The following TMPRSS6 variants were observed in gnomAD, a reference collection of about 807,000 sequenced individuals.
TMPRSS6 encodes the protein transmembrane serine protease 6, also known as transmembrane protease serine 6.
A neutral mutation model predicts 101.5 loss-of-function variants in TMPRSS6; 67 were observed. The ratio of observed to expected loss-of-function variants is 0.66; its 90% confidence interval spans 0.54 to 0.81. TMPRSS6 has a LOEUF of 0.81. TMPRSS6 is among the 30% of genes least tolerant of loss of function. The pLI is 0.00. For missense variants in TMPRSS6, 1,034 were observed against 1,088.7 expected, an observed-to-expected ratio of 0.95 and a Z score of 0.71; for synonymous variants, 453 against 464.9, an observed-to-expected ratio of 0.97 and a Z score of 0.33.
chr22:37,067,058 A>G, intron 16 of TMPRSS6, 96 bp from the exon 17 acceptor site: 3 of 1,570,602 alleles, frequency 1.9e-6, no homozygotes, highest in Non-Finnish European at 2.6e-6. Flanking sequence ...TCAGGAGCCT[A>G]CTTCTCTCCT....
At chr22:37,099,480 T>C (rs1028749408) in intron 2 of TMPRSS6, among the ~76,000 whole-genome samples, 4 of 152,094 alleles carry the variant, frequency 2.6e-5, no homozygotes, top group Non-Finnish European at 5.9e-5. Context: ...GTGAAGAGGG[T>C]AGACTCACAG....
At position 37,103,090 on chromosome 22, in the gene TMPRSS6, G is replaced by T; in HGVS notation, c.202+126C>A. ...GAGACCCAGAGAACAGAAGTGACTT[G>T]CCCAAGGTCACACAGCAATATGCTA... is the stretch of plus-strand genomic sequence containing the variant. On this transcript the variant is annotated intron_variant, in intron 2 of 17. Transcript: ENST00000676104. The surrounding 1 kb of genome is among the most constrained non-coding windows in gnomAD (Gnocchi z 4.4). 3 of 1,002,092 alleles carry T rather than the reference G, an allele frequency of 3.0e-6. No individual in the cohort carries two copies. Among genetic ancestry groups the T allele is most frequent in the Non-Finnish European group, 4.6e-6 (3 of 655,746 alleles). The allele number at this position is 1,002,092 out of a possible 1,614,324, so 62.1% of individuals were successfully genotyped here.
intron 11 of TMPRSS6, 140 bp downstream of exon 11, chr22:37,074,995 G>T: frequency 7.0e-7 from 1 of 1,437,430 alleles, no homozygotes; most frequent in Non-Finnish European, 9.7e-7. Flanking sequence ...ATTTGTGCAA[G>T]CACATACACA....
At chr22:37,107,569 C>T (rs1163133108) in intron 1 of TMPRSS6, among the ~76,000 whole-genome samples, 1 of 152,060 alleles carries the variant, frequency 6.6e-6, no homozygotes, top group African/African-American at 2.4e-5. Flanking sequence ...ACCCACCCCC[C>T]TACCCAGTGA....
Position 37,103,707 on chromosome 22 carries a change from T to G in TMPRSS6, c.-1-289A>C. 1.1e-6 allele frequency: 1 copy of G among 932,846 alleles called. No individual in the cohort carries two copies. The highest frequency in any genetic ancestry group is 1.7e-6 in the Non-Finnish European group (1 of 593,572). 57.8% of individuals were successfully genotyped at this position (932,846 alleles called of 1,614,324 possible). ...CCTATGGTCAGAGGACAGACGGAGG[T>G]CTCAGTACCTAAACACCCACCTCCC... On this transcript the variant is annotated intron_variant, in intron 1 of 17. Coordinates refer to ENST00000676104, the MANE Select transcript of TMPRSS6 (RefSeq NM_001374504.1). The surrounding 1 kb of genome is among the most constrained non-coding windows in gnomAD (Gnocchi z 4.4).
chr22:37,087,525 T>C (rs1355430544), intron 7 of TMPRSS6, among the ~76,000 whole-genome samples: 1 of 152,070 alleles, frequency 6.6e-6, no homozygotes, highest in Non-Finnish European at 1.5e-5. Flanking sequence ...GGTCCGGGGA[T>C]GGGGCATTTC....
intron 16 of TMPRSS6, 30 bp from the exon 17 acceptor site, chr22:37,066,992 C>A (rs1327308381): frequency 6.2e-7 from 1 of 1,613,950 alleles, no homozygotes; most frequent in Non-Finnish European, 8.5e-7. Flanking sequence ...GAAGTGAGAT[C>A]TCAGGAGCCT....
In TMPRSS6 at chr22:37,084,420, G is replaced by T. The variant is rs760913680; in HGVS notation, c.1087-16C>A. ...GAGAGGGCACCTGGGAGGGAGGAGC[G>T]GGCCATCAGGTGGCCCATGGGGTGT... On this transcript the variant is annotated splice_polypyrimidine_tract_variant and intron_variant, in intron 9 of 17. Coordinates refer to ENST00000676104, the MANE Select transcript of TMPRSS6 (RefSeq NM_001374504.1). 16 of 1,596,966 alleles carry T rather than the reference G, an allele frequency of 1.0e-5. No homozygotes were observed. Among genetic ancestry groups the T allele is most frequent in the Admixed American group, 1.7e-5 (1 of 58,706 alleles).
At chr22:37,100,186 C>T (rs1042702369) in intron 2 of TMPRSS6, among the ~76,000 whole-genome samples, 22 of 152,224 alleles carry the variant, frequency 1.4e-4, no homozygotes, top group African/African-American at 4.3e-4. Context: ...AGGCTGGTCT[C>T]GAACTCCTGA....
At position 37,086,392 on chromosome 22, in the gene TMPRSS6, G is replaced by A. The variant is rs776473943; in HGVS notation, c.864C>T (p.Pro288=). Residue 288 remains proline, a synonymous_variant, in exon 8 of 18, where the codon CCC becomes CCT. Transcript: ENST00000676104. ...CCCCCGACGCCAGAACCTCCACCAC[G>A]GGCTCCTGGCGGCTGCAGCCGTACA... ...TSVYGCSRQE[P]VVEVLASGAI... 81 of 1,603,350 alleles carry A rather than the reference G, an allele frequency of 5.1e-5. No homozygotes were observed. The highest frequency in any genetic ancestry group is 6.2e-5 in the Non-Finnish European group (73 of 1,175,084).
At chr22:37,086,259 C>T in intron 8 of TMPRSS6, 24 bp downstream of exon 8, 2 of 1,614,020 alleles carry the variant, frequency 1.2e-6, no homozygotes, top group Non-Finnish European at 1.7e-6. Context: ...CCCTCCCCTG[C>T]CCCAGGGACC....
At chr22:37,105,110 G>A (rs1469778956) in intron 1 of TMPRSS6, among the ~76,000 whole-genome samples, 1 of 152,188 alleles carries the variant, frequency 6.6e-6, no homozygotes, top group African/African-American at 2.4e-5. Context: ...GATGTGAAGG[G>A]CCCTGGCCCT....
chr22:37,110,130 C>A (rs1043388108), upstream of TMPRSS6, among the ~76,000 whole-genome samples: 3 of 145,860 alleles, frequency 2.1e-5, no homozygotes, highest in Non-Finnish European at 4.5e-5. Flanking sequence ...TGAATTCCTA[C>A]CTCGTTCTTT....
chr22:37,102,755 G>A (rs892288047), intron 2 of TMPRSS6, among the ~76,000 whole-genome samples: 1 of 152,132 alleles, frequency 6.6e-6, no homozygotes, highest in South Asian at 2.1e-4. Flanking sequence ...CAGCCTAGAG[G>A]AGAACCTAGG....
At chr22:37,088,376 G>T (rs1321616316) in intron 7 of TMPRSS6, among the ~76,000 whole-genome samples, 1 of 152,144 alleles carries the variant, frequency 6.6e-6, no homozygotes, top group Non-Finnish European at 1.5e-5. Flanking sequence ...TGAACACACT[G>T]GTCCCATCCC....
At position 37,078,958 on chromosome 22, in the gene TMPRSS6, AG is replaced by A. The variant is rs879342007; in HGVS notation, c.1197-3679del. ...GAAGGAGAAGGAGAAGGAGAAAAAG[AG>A]AAAGAAAGAAAGAAAAAGAAAGAAA... On this transcript the variant is annotated intron_variant, in intron 10 of 17. Transcript: ENST00000676104. Among the ~76,000 whole-genome samples, 161 of 100,538 alleles carry A rather than the reference AG, an allele frequency of 1.6e-3. 1 individual carries two copies. The East Asian group carries it at 0.029, about 18-fold the overall frequency. The allele number at this position is 100,538 out of a possible 152,430, so 66.0% of individuals were successfully genotyped here.
intron 10 of TMPRSS6, among the ~76,000 whole-genome samples, chr22:37,080,697 C>T (rs934802739): frequency 2.6e-5 from 4 of 152,238 alleles, no homozygotes; most frequent in Non-Finnish European, 5.9e-5. Context: ...GGGGAGGGGA[C>T]AAGAGTCTGC....
chr22:37,098,952 TG>T (rs1930064124), intron 2 of TMPRSS6, among the ~76,000 whole-genome samples: 1 of 152,206 alleles, frequency 6.6e-6, no homozygotes, highest in African/African-American at 2.4e-5. Flanking sequence ...TCCCACAGTG[TG>T]TGCTAACCAC....
Position 37,069,275 on chromosome 22 carries a change from C to G in TMPRSS6, c.1911G>C (p.Glu637Asp), listed in dbSNP as rs1315987758. The change falls in exon 16 of 18, where the codon GAG becomes GAC. Residue 637 changes from glutamate to aspartate, a missense_variant. Transcript: ENST00000676104. The surrounding 1 kb of genome is among the most constrained non-coding windows in gnomAD (Gnocchi z 4.8). ...KVWQNSRWPG[E>D]VSFKVSRLLL... The stretch of plus-strand genomic sequence containing the variant: ...GCAGGCGGCTCACCTTGAAGGACAC[C>G]TCTCCAGGCCAGCGCGAGTTCTGCC... 1.4e-5 allele frequency: 23 copies of G among 1,611,042 alleles called. 1 individual carries two copies. The Admixed American group carries it at 3.8e-4, about 27-fold the overall frequency.
Sources: gnomAD v4.1 joint callset for allele counts (sites outside exome capture counted in the v4.1 genomes callset) on GRCh38, gnomAD v4.1.1 for gene constraint, Gnocchi (gnomAD v3.1) non-coding constraint, MANE v1.5 for transcripts, NCBI Gene and HGNC (gene_info 2026-07-23, HGNC 2026-07-21) for gene names.